ZNF644: variants seen among roughly 807,000 people sequenced by gnomAD.
ZNF644 encodes the protein zinc finger motif enhancer binding protein 2.
In ZNF644, 20 loss-of-function variants were observed where a neutral mutation model predicts 108.0. The ratio of observed to expected loss-of-function variants is 0.19; its 90% CI spans 0.13 to 0.27. The LOEUF is 0.27. Ranked by LOEUF, ZNF644 falls within the 10% of genes least tolerant of loss-of-function variation. The probability of loss-of-function intolerance (pLI) is 1.00; values close to 1 mark genes in which losing one functional copy is unlikely to be tolerated. For synonymous variants in ZNF644, 542 were observed against 539.1 expected (o/e 1.01, Z -0.08); for missense variants, 1,338 against 1,548.9 (o/e 0.86, Z 2.29).
chr1:90,958,460 G>C (rs1653988535), intron 2 of ZNF644, among the ~76,000 whole-genome samples: 1 of 151,884 alleles, frequency 6.6e-6, no homozygotes, highest in African/African-American at 2.4e-5. Flanking sequence ...CTTTTTGCAG[G>C]ATTGTAAAAG....
chr1:90,982,595 T>C (rs1481757081), intron 1 of ZNF644, among the ~76,000 whole-genome samples: 1 of 152,082 alleles, frequency 6.6e-6, no homozygotes, highest in Non-Finnish European at 1.5e-5. Context: ...TAATAATCTA[T>C]TCAAATGAGA....
At chr1:91,017,865 G>C (rs1262922014) in intron 1 of ZNF644, among the ~76,000 whole-genome samples, 1 of 152,166 alleles carries the variant, frequency 6.6e-6, no homozygotes, top group Non-Finnish European at 1.5e-5. Context: ...GAGAGGCTGA[G>C]ACAGGAGAAT....
chr1:90,953,823 G>A (rs1324621658), intron 2 of ZNF644, among the ~76,000 whole-genome samples: 4 of 152,126 alleles, frequency 2.6e-5, no homozygotes, highest in Non-Finnish European at 4.4e-5. Context: ...GGCTGAGGCA[G>A]GAGAATTGCT....
At chr1:90,965,117 C>A (rs1485293975) in intron 2 of ZNF644, among the ~76,000 whole-genome samples, 1 of 152,104 alleles carries the variant, frequency 6.6e-6, no homozygotes, top group Non-Finnish European at 1.5e-5. Flanking sequence ...GCTAGGATAA[C>A]AGAAAAAGCT....
At chr1:90,981,889 T>G (rs487714) in intron 2 of ZNF644, among the ~76,000 whole-genome samples, 20,165 of 152,046 alleles carry the variant, frequency 0.13, 1,388 homozygotes, top group South Asian at 0.16. Flanking sequence ...TTCCTTAACA[T>G]TAAAAATGAA....
chr1:90,953,013 GA>G (rs371575306), intron 2 of ZNF644, among the ~76,000 whole-genome samples: 24,340 of 93,998 alleles, frequency 0.26, 2,102 homozygotes, highest in Middle Eastern at 0.39. Context: ...TTAGACTGAG[GA>G]AAAAAAAAAA....
intron 2 of ZNF644, among the ~76,000 whole-genome samples, chr1:90,965,154 C>T (rs1336122917): frequency 1.3e-5 from 2 of 152,110 alleles, no homozygotes; most frequent in Non-Finnish European, 2.9e-5. Flanking sequence ...GCTAGAACTG[C>T]CTTTTAACAA....
chr1:90,953,893 A>G (rs1653457680), intron 2 of ZNF644, among the ~76,000 whole-genome samples: 1 of 152,182 alleles, frequency 6.6e-6, no homozygotes, highest in Non-Finnish European at 1.5e-5. Context: ...CAGCCTGGTG[A>G]CAGAGCGAGA....
intron 1 of ZNF644, among the ~76,000 whole-genome samples, chr1:90,990,205 A>C (rs552223276): frequency 6.6e-6 from 1 of 152,356 alleles, no homozygotes; most frequent in African/African-American, 2.4e-5. Context: ...TCTCTTTTCC[A>C]AAGTGAAAAA....
intron 1 of ZNF644, among the ~76,000 whole-genome samples, chr1:90,999,533 G>C (rs1267983568): frequency 6.6e-6 from 1 of 152,168 alleles, no homozygotes; most frequent in Non-Finnish European, 1.5e-5. Context: ...AGCTCCTGAA[G>C]GAAGCACTAA....
intron 1 of ZNF644, among the ~76,000 whole-genome samples, chr1:91,007,742 C>T (rs955865395): frequency 7.9e-5 from 12 of 152,086 alleles, no homozygotes; most frequent in African/African-American, 2.7e-4. Flanking sequence ...TCATAGCATC[C>T]TTTCTTGTTT....
At chr1:91,006,318 T>C (rs1040815483) in intron 1 of ZNF644, among the ~76,000 whole-genome samples, 26 of 152,280 alleles carry the variant, frequency 1.7e-4, no homozygotes, top group African/African-American at 6.3e-4. Flanking sequence ...GGCAGGAGGA[T>C]AGATCATTTG....
chr1:90,960,148 G>T (rs1039542177), intron 2 of ZNF644, among the ~76,000 whole-genome samples: 1 of 152,052 alleles, frequency 6.6e-6, no homozygotes, highest in Non-Finnish European at 1.5e-5. Flanking sequence ...TGGCAATTCA[G>T]ATATGTCAAA....
In ZNF644 at chr1:90,937,803, G is replaced by A. The variant is rs1199766019; in HGVS notation, c.3370C>T (p.Pro1124Ser). Residue 1124 changes from proline to serine, a missense_variant, in exon 4 of 6, where the codon CCT becomes TCT. This residue lies in a region of ZNF644 where 287 missense variants were observed against 310.9 expected (regional missense o/e 0.92). Coordinates refer to ENST00000337393, the MANE Select transcript of ZNF644 (RefSeq NM_201269.3). ...SDDFISQNVI[P>S]LEAYRNGLKT... ...AGGCCATTACGGTATGCTTCAAGAGGTATAACATTTTGAGATATAAAGTCA... is the reference window on the plus strand; with the variant it reads ...AGGCCATTACGGTATGCTTCAAGAGATATAACATTTTGAGATATAAAGTCA... 6.2e-7 allele frequency: 1 copy of A among 1,613,838 alleles called. No individual in the cohort carries two copies. Among genetic ancestry groups the A allele is most frequent in the Non-Finnish European group, 8.5e-7 (1 of 1,179,880 alleles).
chr1:91,008,873 A>G (rs945918259), intron 1 of ZNF644, among the ~76,000 whole-genome samples: 2 of 152,204 alleles, frequency 1.3e-5, no homozygotes, highest in Non-Finnish European at 2.9e-5. Flanking sequence ...AAAGACAAAA[A>G]ATTGACAGCA....
chr1:90,993,783 A>T (rs1283160471), intron 1 of ZNF644, among the ~76,000 whole-genome samples: 1 of 152,134 alleles, frequency 6.6e-6, no homozygotes, highest in African/African-American at 2.4e-5. Flanking sequence ...TTCAATTATA[A>T]TTTTTTTGTG....
intron 2 of ZNF644, among the ~76,000 whole-genome samples, chr1:90,979,402 G>A (rs944626223): frequency 3.3e-5 from 5 of 152,154 alleles, no homozygotes; most frequent in African/African-American, 1.2e-4. Context: ...GAACCTGGGA[G>A]GCAGAGGTTG....
intron 1 of ZNF644, among the ~76,000 whole-genome samples, chr1:90,996,315 G>C (rs145363605): frequency 1.3e-5 from 2 of 152,284 alleles, no homozygotes; most frequent in East Asian, 3.9e-4. Flanking sequence ...AACCCAGCAA[G>C]ATCACTGGCA....
chr1:90,918,327 A>G (rs1003401192), intron 4 of ZNF644, 173 bp from the exon 5 acceptor site: 2 of 653,804 alleles, frequency 3.1e-6, no homozygotes, highest in African/African-American at 3.6e-5. Flanking sequence ...AATAGCAGTA[A>G]TATTATCTGT....
Sources: allele counts gnomAD v4.1 joint callset (sites outside exome capture counted in the v4.1 genomes callset), GRCh38; gene constraint gnomAD v4.1.1; regional missense constraint gnomAD v4.1.1; transcripts MANE v1.5; gene names NCBI Gene and HGNC (gene_info 2026-07-23, HGNC 2026-07-21).